SAV1: variants seen among roughly 807,000 people sequenced by gnomAD.
SAV1 encodes salvador family WW domain containing protein 1.
A neutral mutation model predicts 47.3 loss-of-function variants in SAV1; 23 were observed. The observed-to-expected ratio is 0.49, with a 90% confidence interval of 0.35 to 0.69. The LOEUF is 0.69. Among genes scored for constraint, SAV1 ranks in the 30% least tolerant of loss-of-function variants. SAV1 has a pLI of 0.01. For missense variants in SAV1, 448 were observed against 457.4 expected, an observed-to-expected ratio of 0.98 and a Z score of 0.19; for synonymous variants, 155 against 159.2, an observed-to-expected ratio of 0.97 and a Z score of 0.20.
At chr14:50,646,926 C>G (rs1469045151) in intron 2 of SAV1, among the ~76,000 whole-genome samples, 1 of 152,006 alleles carries the variant, frequency 6.6e-6, no homozygotes, top group East Asian at 1.9e-4. Context: ...TGGAACCAAA[C>G]AGAGAATCCA....
chr14:50,661,078 C>A (rs960855103), intron 2 of SAV1, among the ~76,000 whole-genome samples: 1 of 152,148 alleles, frequency 6.6e-6, no homozygotes, highest in Non-Finnish European at 1.5e-5. Flanking sequence ...ACATTCCCAC[C>A]AACAGTCTGT....
intron 2 of SAV1, among the ~76,000 whole-genome samples, chr14:50,651,541 T>A (rs2039769843): frequency 6.6e-6 from 1 of 152,122 alleles, no homozygotes; most frequent in Admixed American, 6.6e-5. Context: ...GAAAACAAAA[T>A]GAAGTAAACA....
intron 2 of SAV1, among the ~76,000 whole-genome samples, chr14:50,654,342 C>T (rs2039794613): frequency 6.6e-6 from 1 of 152,224 alleles, no homozygotes; most frequent in Non-Finnish European, 1.5e-5. Context: ...GGAGTATATT[C>T]TATCTCAAGA....
chr14:50,649,886 C>T (rs2039753207), intron 2 of SAV1, among the ~76,000 whole-genome samples: 2 of 152,116 alleles, frequency 1.3e-5, no homozygotes, highest in Admixed American at 1.3e-4. Flanking sequence ...GACTGGGTGA[C>T]CATTGAGGTG....
At chr14:50,643,567 A>G (rs1356265721) in intron 3 of SAV1, among the ~76,000 whole-genome samples, 2 of 152,190 alleles carry the variant, frequency 1.3e-5, no homozygotes, top group African/African-American at 4.8e-5. Context: ...TTGAGATGAG[A>G]TTTGGGTGAG....
intron 1 of SAV1, chr14:50,667,259 T>C (rs569488474): frequency 1.0e-3 from 252 of 252,500 alleles, no homozygotes; most frequent in Admixed American, 2.8e-3. Context: ...GAAATTATTT[T>C]GAGTTGCCTT....
intron 2 of SAV1, among the ~76,000 whole-genome samples, chr14:50,650,117 G>A (rs2039754727): frequency 6.6e-6 from 1 of 152,208 alleles, no homozygotes; most frequent in Admixed American, 6.5e-5. Flanking sequence ...AGATTCTAAA[G>A]AAGGATATGT....
At chr14:50,651,868 G>A (rs1014424315) in intron 2 of SAV1, among the ~76,000 whole-genome samples, 4 of 152,110 alleles carry the variant, frequency 2.6e-5, no homozygotes, top group African/African-American at 9.7e-5. Context: ...TTAGACTCAA[G>A]CATTCCTCCC....
Position 50,633,596 on chromosome 14 carries a change from C to T in SAV1, c.*1587G>A, listed in dbSNP as rs576362310. ...GCCTTTTGAACAGAAAAATGAAATA[C>T]AGCACTATGTCTAAAACATGGACTC... On this transcript the variant is annotated 3_prime_UTR_variant, in exon 5 of 5. Coordinates refer to ENST00000324679, the MANE Select transcript of SAV1 (RefSeq NM_021818.4). 1.2e-4 allele frequency: 19 copies of T among 152,570 alleles called. No individual in the cohort carries two copies. Among genetic ancestry groups the T allele is most frequent in the African/African-American group, 4.6e-4 (19 of 41,528 alleles). The allele number at this position is 152,570 out of a possible 1,614,324, so 9.5% of individuals were successfully genotyped here.
intron 1 of SAV1, 74 bp from the exon 2 acceptor site, chr14:50,665,693 G>A: frequency 7.7e-7 from 1 of 1,292,976 alleles, no homozygotes. Context: ...GTTCATTTAT[G>A]TCTACCACCC....
intron 3 of SAV1, among the ~76,000 whole-genome samples, chr14:50,641,344 C>T (rs757441428): frequency 6.6e-6 from 1 of 151,298 alleles, no homozygotes; most frequent in Non-Finnish European, 1.5e-5. Context: ...CTCAAGAGAA[C>T]ATATGGGAGT....
At chr14:50,653,035 A>G (rs2039782329) in intron 2 of SAV1, among the ~76,000 whole-genome samples, 1 of 152,192 alleles carries the variant, frequency 6.6e-6, no homozygotes. Context: ...CTAAAAAAAA[A>G]GAAATTGAAA....
intron 4 of SAV1, among the ~76,000 whole-genome samples, chr14:50,638,214 T>C (rs1156432901): frequency 1.3e-5 from 2 of 152,306 alleles, no homozygotes; most frequent in East Asian, 3.9e-4. Context: ...TTCCTTCTTT[T>C]TCTGAAAAGT....
chr14:50,635,361 T>C lies in SAV1; in HGVS notation c.974A>G (p.Glu325Gly). The part of the protein sequence containing the change: ...PVKYDHILKW[E>G]LFQLADLDTY... ...ATCCAGGTCAGCCAGCTGGAAGAGTTCCCACTTCAGAATGTGGTCATATCT... is the reference window on the plus strand; with the variant it reads ...ATCCAGGTCAGCCAGCTGGAAGAGTCCCCACTTCAGAATGTGGTCATATCT... The change falls in exon 5 of 5, where the codon GAA becomes GGA. Residue 325 changes from glutamate to glycine, a missense_variant. Transcript: ENST00000324679. The C allele has an allele frequency of 6.2e-7, 1 of 1,614,066 alleles. No homozygotes were observed. Among genetic ancestry groups the C allele is most frequent in the Non-Finnish European group, 8.5e-7 (1 of 1,179,938 alleles).
At chr14:50,645,634 C>T (rs200627184) in intron 2 of SAV1, among the ~76,000 whole-genome samples, 1 of 151,526 alleles carries the variant, frequency 6.6e-6, no homozygotes, top group East Asian at 1.9e-4. Context: ...AAGGGATAAT[C>T]AACCTGTGGC....
chr14:50,668,101 T>G lies in SAV1; in HGVS notation c.-134A>C. ...CCGAGCCGCCGCCTCCGCCGCCGCC[T>G]GTCCGGAGCCCGGGGTCGCCCGCAG... is the stretch of plus-strand genomic sequence containing the variant. On this transcript the variant is annotated 5_prime_UTR_variant, in exon 1 of 5. Transcript: ENST00000324679. 2.1e-6 allele frequency: 1 copy of G among 474,582 alleles called. No homozygotes were observed. Among genetic ancestry groups the G allele is most frequent in the Non-Finnish European group, 3.3e-6 (1 of 304,506 alleles). The allele number at this position is 474,582 out of a possible 1,614,324, so 29.4% of individuals were successfully genotyped here.
intron 3 of SAV1, among the ~76,000 whole-genome samples, chr14:50,642,327 A>G (rs1014472322): frequency 6.6e-6 from 1 of 152,048 alleles, no homozygotes; most frequent in Non-Finnish European, 1.5e-5. Context: ...CGTCTCTACT[A>G]AAAATACAAA....
chr14:50,667,187 G>T (rs755939150), intron 1 of SAV1, among the ~76,000 whole-genome samples: 74 of 151,600 alleles, frequency 4.9e-4, no homozygotes, highest in Non-Finnish European at 6.3e-4. Flanking sequence ...GTGGGGATTG[G>T]GAGTGGGATC....
intron 3 of SAV1, among the ~76,000 whole-genome samples, chr14:50,641,459 T>C (rs899031181): frequency 1.3e-5 from 2 of 151,592 alleles, no homozygotes; most frequent in South Asian, 2.1e-4. Flanking sequence ...AGATATTATA[T>C]GGGAAAGTGT....
Sources: allele counts gnomAD v4.1 joint callset (sites outside exome capture counted in the v4.1 genomes callset), GRCh38; gene constraint gnomAD v4.1.1; transcripts MANE v1.5; gene names NCBI Gene and HGNC (gene_info 2026-07-23, HGNC 2026-07-21).